The following ESR1 variants were observed in gnomAD, a reference collection of about 807,000 sequenced individuals.
The protein encoded by ESR1 is estrogen receptor 1.
A neutral mutation model predicts 52.7 loss-of-function variants in ESR1; 12 were observed. That is an observed-to-expected ratio of 0.23 (90% CI 0.15 to 0.37). The LOEUF is 0.37. Ranked by LOEUF, ESR1 falls within the 10% of genes least tolerant of loss-of-function variation. The pLI, the probability that ESR1 is intolerant of heterozygous loss-of-function variation, is 1.00. For missense variants in ESR1, 584 were observed against 779.7 expected (o/e 0.75, Z 2.99); for synonymous variants, 305 against 316.8 (o/e 0.96, Z 0.39).
chr6:152,054,780 A>G (rs1230391670), intron 5 of ESR1, among the ~76,000 whole-genome samples: 2 of 152,176 alleles, frequency 1.3e-5, no homozygotes, highest in Non-Finnish European at 2.9e-5. Flanking sequence ...GTACCATTCA[A>G]TCTTCCTGGA....
intron 2 of ESR1, among the ~76,000 whole-genome samples, chr6:151,854,267 A>G (rs1193836181): frequency 6.6e-6 from 1 of 152,144 alleles, no homozygotes; most frequent in Admixed American, 6.6e-5. Context: ...TAAGTCTAAC[A>G]TTTACTTTGT....
chr6:151,678,297 A>G (rs1236129773), intron 1 of ESR1, among the ~76,000 whole-genome samples: 1 of 151,950 alleles, frequency 6.6e-6, no homozygotes, highest in Non-Finnish European at 1.5e-5. Context: ...ACATGGTGAA[A>G]CCCTGTCTCT....
At chr6:151,690,865 A>C (rs1175893450) in intron 1 of ESR1, among the ~76,000 whole-genome samples, 1 of 152,226 alleles carries the variant, frequency 6.6e-6, no homozygotes. Context: ...AACTTGGTAC[A>C]GTGGAAATTC....
chr6:151,837,173 T>C (rs1783488993), intron 1 of ESR1, among the ~76,000 whole-genome samples: 1 of 147,290 alleles, frequency 6.8e-6, no homozygotes, highest in Non-Finnish European at 1.5e-5. Flanking sequence ...CGATCTAGGC[T>C]CACTGCAACC....
intron 6 of ESR1, among the ~76,000 whole-genome samples, chr6:152,109,212 C>T (rs1310195065): frequency 6.6e-6 from 1 of 152,180 alleles, no homozygotes; most frequent in Non-Finnish European, 1.5e-5. Context: ...CCAGGCCCCA[C>T]CTCCAACACT....
intron 5 of ESR1, among the ~76,000 whole-genome samples, chr6:152,038,346 ATCT>A (rs1461826517): frequency 6.6e-6 from 1 of 152,146 alleles, no homozygotes; most frequent in African/African-American, 2.4e-5. Context: ...ACAAATGTTA[ATCT>A]TCTTTGGTAA....
intron 1 of ESR1, among the ~76,000 whole-genome samples, chr6:151,696,574 G>A (rs531167944): frequency 1.3e-5 from 2 of 152,124 alleles, no homozygotes; most frequent in East Asian, 3.9e-4. Context: ...CCTGTGCCTT[G>A]GGAAGTGCCT....
At chr6:151,777,101 G>GTCTTTTCTTT (rs375369369) in intron 2 of ESR1, among the ~76,000 whole-genome samples, 1 of 148,950 alleles carries the variant, frequency 6.7e-6, no homozygotes, top group Non-Finnish European at 1.5e-5. Flanking sequence ...CAACTCTGAG[G>GTCTTTTCTTT]TCTTTTCTTT....
In ESR1 at chr6:151,839,925, T is replaced by C. The variant is rs865781019; in HGVS notation, c.453-2672T>C. Among the ~76,000 whole-genome samples, 4 of 152,190 alleles carry C rather than the reference T, an allele frequency of 2.6e-5. No homozygotes were observed. The South Asian group carries it at 8.3e-4, about 32-fold the overall frequency. On this transcript the variant is annotated intron_variant, in intron 1 of 7. Coordinates refer to ENST00000206249, the MANE Select transcript of ESR1 (RefSeq NM_000125.4). ...CTAACATGATTGAATTGATGAACAC[T>C]TAAGCGTGGTTACGATGGTAAATTT...
chr6:152,078,394 T>A (rs1021973477), intron 6 of ESR1, among the ~76,000 whole-genome samples: 1 of 152,222 alleles, frequency 6.6e-6, no homozygotes, highest in African/African-American at 2.4e-5. Flanking sequence ...GGTTCACCCC[T>A]TGAATTTCAT....
intron 1 of ESR1, among the ~76,000 whole-genome samples, chr6:151,828,785 A>T (rs1193518660): frequency 6.6e-6 from 1 of 152,344 alleles, no homozygotes; most frequent in East Asian, 1.9e-4. Flanking sequence ...CTGCAACTCT[A>T]TACATTTCCC....
intron 6 of ESR1, among the ~76,000 whole-genome samples, chr6:152,075,565 A>T (rs1488940665): frequency 6.6e-6 from 1 of 152,242 alleles, no homozygotes; most frequent in African/African-American, 2.4e-5. Context: ...AGGAACTTTC[A>T]ACACTAGTTA....
intron 2 of ESR1, among the ~76,000 whole-genome samples, chr6:151,878,499 A>T (rs1460960563): frequency 6.6e-6 from 1 of 152,196 alleles, no homozygotes; most frequent in African/African-American, 2.4e-5. Flanking sequence ...GCCAAGTTTT[A>T]TGAGGCCAGC....
intron 2 of ESR1, among the ~76,000 whole-genome samples, chr6:151,740,989 G>C (rs758959372): frequency 6.6e-6 from 1 of 152,202 alleles, no homozygotes; most frequent in Non-Finnish European, 1.5e-5. Flanking sequence ...CATCAGCAGA[G>C]ATGTGGATCC....
At chr6:151,994,805 G>A (rs1195156603) in intron 4 of ESR1, among the ~76,000 whole-genome samples, 1 of 152,092 alleles carries the variant, frequency 6.6e-6, no homozygotes, top group Non-Finnish European at 1.5e-5. Flanking sequence ...TGATAAAGAG[G>A]GTAAGAATGA....
At chr6:151,835,624 TC>T (rs924031568) in intron 1 of ESR1, among the ~76,000 whole-genome samples, 4 of 152,202 alleles carry the variant, frequency 2.6e-5, no homozygotes, top group Admixed American at 2.6e-4. Context: ...AGCTTGATTT[TC>T]CAGGAGAGAT....
intron 1 of ESR1, among the ~76,000 whole-genome samples, chr6:151,830,340 G>T (rs761686626): frequency 6.6e-6 from 1 of 152,022 alleles, no homozygotes; most frequent in Non-Finnish European, 1.5e-5. Context: ...TCCCTGGCTG[G>T]TCTCAGCTAG....
At chr6:151,720,977 T>C (rs191325315) in intron 2 of ESR1, among the ~76,000 whole-genome samples, 54 of 152,336 alleles carry the variant, frequency 3.5e-4, no homozygotes, top group Non-Finnish European at 1.8e-4. Context: ...AAAGAGAATA[T>C]GTAAACATCA....
chr6:152,021,900 C>G (rs1014226220), intron 5 of ESR1, among the ~76,000 whole-genome samples: 2 of 152,142 alleles, frequency 1.3e-5, no homozygotes, highest in Admixed American at 1.3e-4. Context: ...TGCAAGACAT[C>G]CCTTTGCTCC....
Sources: gnomAD v4.1 joint callset for allele counts (sites outside exome capture counted in the v4.1 genomes callset) on GRCh38, gnomAD v4.1.1 for gene constraint, MANE v1.5 for transcripts, NCBI Gene and HGNC (gene_info 2026-07-23, HGNC 2026-07-21) for gene names.